Variants in SET observed in about 807,000 individuals in gnomAD.
The protein encoded by SET is protein SET.
A neutral mutation model predicts 39.0 loss-of-function variants in SET; 4 were observed. That is an observed-to-expected ratio of 0.10 (90% confidence interval 0.05 to 0.23). The LOEUF is 0.23. Among genes scored for constraint, SET ranks in the 10% least tolerant of loss-of-function variants. The pLI, the probability that SET is intolerant of heterozygous loss-of-function variation, is 1.00. For synonymous variants in SET, 114 were observed against 115.9 expected (o/e 0.98, Z 0.11); for missense variants, 137 against 329.7 (o/e 0.42, Z 4.53).
intron 7 of SET, 62 bp downstream of exon 7, chr9:128,694,104 G>GTATA: frequency 8.0e-7 from 1 of 1,256,340 alleles, no homozygotes; most frequent in Non-Finnish European, 1.0e-6. Flanking sequence ...TTATTTTGGG[G>GTATA]TGTATATATA....
chr9:128,683,475 T>C (rs1861184664), upstream of SET: 2 of 234,320 alleles, frequency 8.5e-6, no homozygotes, highest in Middle Eastern at 1.3e-3. Context: ...TTTAAATCTT[T>C]TGGAGGCCAA....
At chr9:128,691,345 G>C (rs573717874) in intron 2 of SET, 118 bp downstream of exon 2, 20 of 704,638 alleles carry the variant, frequency 2.8e-5, no homozygotes, top group East Asian at 2.4e-4. Context: ...TTCTAACTTG[G>C]TTGGAAATAC....
At chr9:128,692,399 A>AAAAG in intron 3 of SET, 2 of 191,010 alleles carry the variant, frequency 1.0e-5, no homozygotes, top group Non-Finnish European at 2.1e-5. Flanking sequence ...GACTGTTTCA[A>AAAAG]AAAAAAAAAA....
chr9:128,692,578 C>T (rs182279876), intron 3 of SET, 84 bp from the exon 4 acceptor site: 39 of 916,442 alleles, frequency 4.3e-5, no homozygotes, highest in Admixed American at 1.9e-4. Context: ...TCACTAAGTT[C>T]GGAAAAATTT....
chr9:128,684,008 G>T lies in SET; in HGVS notation c.112+1G>T. On this transcript the variant is annotated splice_donor_variant, in intron 1 of 7. Coordinates refer to the SET transcript ENST00000372692. LOFTEE classifies it high-confidence loss of function. Reference sequence around the variant, plus strand: ...TCTGCAGGCTTGCCGAAGAAGGGAGGTACGTTTCTGCGCTAAGTTTTATTG... The same window carrying T: ...TCTGCAGGCTTGCCGAAGAAGGGAGTTACGTTTCTGCGCTAAGTTTTATTG... 3 of 1,542,448 alleles carry T rather than the reference G, an allele frequency of 1.9e-6. No individual in the cohort carries two copies. Among genetic ancestry groups the T allele is most frequent in the Non-Finnish European group, 2.6e-6 (3 of 1,138,514 alleles).
intron 1 of SET, chr9:128,690,440 GT>G (rs1459818617): frequency 6.6e-6 from 1 of 152,450 alleles, no homozygotes; most frequent in Non-Finnish European, 1.5e-5. Flanking sequence ...TTTGTAGGGG[GT>G]TTGTAGTCTT....
rs1403270744 is a variant in SET, at chr9:128,694,632, T to C, written c.811-9T>C. 29 of 1,576,130 alleles carry C rather than the reference T, an allele frequency of 1.8e-5. No homozygotes were observed. Among genetic ancestry groups the C allele is most frequent in the Non-Finnish European group, 2.1e-5 (24 of 1,157,294 alleles). ...ATCCTGAAGATTAACTGCCCACTTTTTCTTTCAGGAGGATGAAGGAGAAGA... is the reference window on the plus strand; with the variant it reads ...ATCCTGAAGATTAACTGCCCACTTTCTCTTTCAGGAGGATGAAGGAGAAGA... On this transcript the variant is annotated splice_polypyrimidine_tract_variant and intron_variant, in intron 7 of 7. Transcript: ENST00000322030.
Position 128,694,056 on chromosome 9 carries a change from T to A in SET, c.810+14T>A. The A allele has an allele frequency of 6.6e-7, 1 of 1,504,450 alleles. No individual in the cohort carries two copies. Among genetic ancestry groups the A allele is most frequent in the South Asian group, 1.3e-5 (1 of 80,000 alleles). 93.2% of individuals were successfully genotyped at this position (1,504,450 alleles called of 1,614,324 possible). A position where few individuals can be genotyped will look rare whatever the true frequency, so the allele number is the denominator to read the frequency against. The stretch of plus-strand genomic sequence containing the variant: ...GAGGAAGGAGAGGTAAAAGAAAATT[T>A]GGCTAAACCCACAAAGATAACTTTT... On this transcript the variant is annotated intron_variant, in intron 7 of 7. Transcript: ENST00000322030.
upstream of SET, chr9:128,685,085 G>GA (rs771851470): frequency 6.8e-5 from 104 of 1,539,476 alleles, no homozygotes; most frequent in Non-Finnish European, 8.8e-5. Context: ...TCTTATGGAA[G>GA]AAGCACTGAG....
chr9:128,684,390 CCT>C (rs747775014), upstream of SET, among the ~76,000 whole-genome samples: 6 of 152,072 alleles, frequency 3.9e-5, no homozygotes, highest in African/African-American at 7.2e-5. Flanking sequence ...GATCTGTCCA[CCT>C]CTCTCTCTGT....
At chr9:128,685,935 G>A (rs1160432098), upstream of SET, among the ~76,000 whole-genome samples, 2 of 152,078 alleles carry the variant, frequency 1.3e-5, no homozygotes, top group African/African-American at 2.4e-5. Flanking sequence ...GCTAAGGCAG[G>A]AGAATTGCTT....
At position 128,689,316 on chromosome 9, in the gene SET, CCCG is replaced by C. The variant is rs918097595; in HGVS notation, c.-255_-253del. ...GAGCGCGAGTGAGGGAGCCGAGCCGCCCGCCGCCGCCGCCTCCGCCTCCCCTCC... is the reference window on the plus strand; with the variant it reads ...GAGCGCGAGTGAGGGAGCCGAGCCGCCCGCCGCCGCCTCCGCCTCCCCTCC... On this transcript the variant is annotated 5_prime_UTR_variant, in exon 1 of 8. Transcript: ENST00000322030. 180 of 1,028,082 alleles carry C rather than the reference CCCG, an allele frequency of 1.8e-4. No homozygotes were observed. The highest frequency in any genetic ancestry group is 5.0e-4 in the East Asian group (7 of 14,000). 63.7% of individuals were successfully genotyped at this position (1,028,082 alleles called of 1,614,324 possible).
upstream of SET, among the ~76,000 whole-genome samples, chr9:128,686,198 G>A (rs954762686): frequency 1.3e-5 from 2 of 152,110 alleles, no homozygotes; most frequent in Admixed American, 6.6e-5. Context: ...CCCCCGGCTC[G>A]CCTGTGTTTA....
chr9:128,684,195 G>C (rs758119383), intron 1 of SET, among the ~76,000 whole-genome samples: 1 of 152,052 alleles, frequency 6.6e-6, no homozygotes, highest in Non-Finnish European at 1.5e-5. Context: ...GGGAGTGCAC[G>C]GGAGCTCATC....
intron 1 of SET, chr9:128,690,749 G>C: frequency 5.2e-6 from 1 of 192,846 alleles, no homozygotes; most frequent in Non-Finnish European, 1.1e-5. Context: ...TTGATAGGTG[G>C]TAGTGGTGGC....
chr9:128,694,787 G>C lies in SET; in HGVS notation c.*123G>C. ...TCTTGTGCTCAGTCGCCCTGTTCTTGAGGTCTCTTTTCTCTACTCCATGGT... is the reference window on the plus strand; with the variant it reads ...TCTTGTGCTCAGTCGCCCTGTTCTTCAGGTCTCTTTTCTCTACTCCATGGT... On this transcript the variant is annotated 3_prime_UTR_variant, in exon 8 of 8. Coordinates refer to ENST00000322030, the MANE Select transcript of SET (RefSeq NM_003011.4). 1.9e-6 allele frequency: 1 copy of C among 514,048 alleles called. No individual in the cohort carries two copies. 31.8% of individuals were successfully genotyped at this position (514,048 alleles called of 1,614,324 possible). A position where few individuals can be genotyped will look rare whatever the true frequency, so the allele number is the denominator to read the frequency against.
chr9:128,692,624 T>C, intron 3 of SET, 38 bp from the exon 4 acceptor site: 1 of 1,316,392 alleles, frequency 7.6e-7, no homozygotes, highest in Middle Eastern at 2.6e-4. Context: ...AGTGTGTGCC[T>C]GTTGAAAATT....
chr9:128,684,247 A>C (rs115098322), upstream of SET, among the ~76,000 whole-genome samples: 49 of 152,030 alleles, frequency 3.2e-4, no homozygotes, highest in African/African-American at 1.1e-3. Flanking sequence ...TTGTCTCCCC[A>C]GCCCCCAAAC....
chr9:128,693,994 GGATGAA>G lies in SET; in HGVS notation c.764_769del (p.Asp255_Glu256del). ...AAGATATTGACGAAGAAGGGGATGA[GGATGAA>G]GGTGAAGAAGATGAAGATGATGATG... On this transcript the variant is annotated inframe_deletion, in exon 7 of 8. Coordinates refer to ENST00000322030, the MANE Select transcript of SET (RefSeq NM_003011.4). The G allele has an allele frequency of 6.4e-7, 1 of 1,552,828 alleles. No individual in the cohort carries two copies. Among genetic ancestry groups the G allele is most frequent in the South Asian group, 1.1e-5 (1 of 88,272 alleles).
Sources: gnomAD v4.1 joint callset for allele counts (sites outside exome capture counted in the v4.1 genomes callset) on GRCh38, gnomAD v4.1.1 for gene constraint, MANE v1.5 for transcripts, NCBI Gene and HGNC (gene_info 2026-07-23, HGNC 2026-07-21) for gene names.